Variants in HDAC9 observed in about 807,000 individuals in gnomAD.
HDAC9 encodes histone deacetylase 9.
HDAC9 carries 41 observed loss-of-function variants against 139.4 expected under a neutral mutation model. That is an observed-to-expected ratio of 0.29 (90% CI 0.23 to 0.38). The LOEUF is 0.38. HDAC9 is among the 10% of genes least tolerant of loss of function. HDAC9 has a pLI of 1.00. For synonymous variants in HDAC9, 517 were observed against 476.2 expected (o/e 1.09, Z -1.12); for missense variants, 1,147 against 1,297.0 (o/e 0.88, Z 1.78).
chr7:18,729,226 A>G (rs530585665), intron 13 of HDAC9, among the ~76,000 whole-genome samples: 74 of 152,198 alleles, frequency 4.9e-4, no homozygotes, highest in African/African-American at 1.7e-3. Flanking sequence ...CAGAAAATAC[A>G]GAGTAACAAC....
intron 22 of HDAC9, 41 bp downstream of exon 22, chr7:18,874,637 C>T (rs756736407): frequency 8.7e-7 from 1 of 1,153,432 alleles, no homozygotes; most frequent in Non-Finnish European, 1.3e-6. Flanking sequence ...GCTCTGATAT[C>T]ATACCATCTT....
intron 1 of HDAC9, among the ~76,000 whole-genome samples, chr7:18,304,419 T>C (rs996875908): frequency 5.3e-5 from 8 of 152,210 alleles, no homozygotes; most frequent in African/African-American, 1.9e-4. Flanking sequence ...GCAAAGTCTT[T>C]GGAAAATATT....
intron 2 of HDAC9, among the ~76,000 whole-genome samples, chr7:18,164,395 T>C (rs13243921): frequency 0.18 from 26,734 of 152,236 alleles, 2,726 homozygotes; most frequent in South Asian, 0.33. Context: ...GAAAAAAATA[T>C]GTTTTTCTTA....
At chr7:18,123,083 A>G (rs1211061582) in intron 1 of HDAC9, among the ~76,000 whole-genome samples, 1 of 152,252 alleles carries the variant, frequency 6.6e-6, no homozygotes, top group Non-Finnish European at 1.5e-5. Flanking sequence ...CCTAATAAAT[A>G]GCCCAATACC....
At chr7:18,771,609 G>A (rs1256033173) in intron 16 of HDAC9, among the ~76,000 whole-genome samples, 1 of 151,662 alleles carries the variant, frequency 6.6e-6, no homozygotes, top group Non-Finnish European at 1.5e-5. Context: ...ATAATCAGGA[G>A]AAAAATCTAT....
chr7:18,363,245 T>G (rs1270953735), intron 1 of HDAC9, among the ~76,000 whole-genome samples: 1 of 152,160 alleles, frequency 6.6e-6, no homozygotes, highest in Non-Finnish European at 1.5e-5. Context: ...CCCTCCTTAC[T>G]TTTTCTTAAT....
intron 13 of HDAC9, among the ~76,000 whole-genome samples, chr7:18,731,714 C>G (rs953789316): frequency 1.3e-5 from 2 of 152,174 alleles, no homozygotes; most frequent in Non-Finnish European, 2.9e-5. Flanking sequence ...CAACCTCCGC[C>G]TCCCGGGTTC....
At chr7:18,823,168 A>G (rs976636009) in intron 17 of HDAC9, among the ~76,000 whole-genome samples, 5 of 152,158 alleles carry the variant, frequency 3.3e-5, no homozygotes, top group African/African-American at 1.2e-4. Flanking sequence ...AGGATCAGGG[A>G]TGGTGGGGTA....
chr7:18,124,223 T>G (rs568182796), intron 1 of HDAC9, among the ~76,000 whole-genome samples: 3 of 152,282 alleles, frequency 2.0e-5, no homozygotes, highest in African/African-American at 7.2e-5. Flanking sequence ...TGTAGACAAA[T>G]AAGAAGGTGG....
chr7:18,513,414 T>C (rs1802166722), intron 2 of HDAC9, among the ~76,000 whole-genome samples: 1 of 152,210 alleles, frequency 6.6e-6, no homozygotes, highest in African/African-American at 2.4e-5. Context: ...TAGATAACTG[T>C]ATCCTAAAGC....
At chr7:18,912,155 A>G (rs1010158376) in intron 22 of HDAC9, among the ~76,000 whole-genome samples, 1 of 152,020 alleles carries the variant, frequency 6.6e-6, no homozygotes, top group Non-Finnish European at 1.5e-5. Flanking sequence ...TGCTTTACGT[A>G]TCTGGGTGCT....
chr7:18,349,054 A>G (rs1302275385), intron 1 of HDAC9, among the ~76,000 whole-genome samples: 2 of 152,112 alleles, frequency 1.3e-5, no homozygotes, highest in Non-Finnish European at 2.9e-5. Flanking sequence ...ACTTTAATAC[A>G]GTCATTTTCC....
intron 9 of HDAC9, among the ~76,000 whole-genome samples, chr7:18,646,445 G>A (rs779946840): frequency 2.0e-5 from 3 of 152,078 alleles, no homozygotes; most frequent in Non-Finnish European, 4.4e-5. Context: ...GTGTGGATGA[G>A]GCCATCACAA....
At chr7:18,829,824 A>G (rs1795727826) in intron 19 of HDAC9, among the ~76,000 whole-genome samples, 1 of 152,224 alleles carries the variant, frequency 6.6e-6, no homozygotes, top group Admixed American at 6.5e-5. Flanking sequence ...TTCCACAGTT[A>G]AAATAACCCA....
At chr7:18,936,601 A>G (rs1321058594) in intron 23 of HDAC9, among the ~76,000 whole-genome samples, 1 of 152,222 alleles carries the variant, frequency 6.6e-6, no homozygotes, top group Non-Finnish European at 1.5e-5. Flanking sequence ...TTTTCAACCA[A>G]TTAGTTGCAA....
chr7:18,931,427 A>T (rs574916105), intron 22 of HDAC9, among the ~76,000 whole-genome samples: 2 of 152,226 alleles, frequency 1.3e-5, no homozygotes, highest in Non-Finnish European at 2.9e-5. Context: ...GTTTTTAACT[A>T]ATTTTTAAAT....
At chr7:18,334,816 G>A (rs895970582) in intron 1 of HDAC9, among the ~76,000 whole-genome samples, 1 of 151,492 alleles carries the variant, frequency 6.6e-6, no homozygotes, top group Non-Finnish European at 1.5e-5. Flanking sequence ...ACATTGAGAA[G>A]CAAGCTATTT....
intron 12 of HDAC9, among the ~76,000 whole-genome samples, chr7:18,718,384 G>A (rs567836078): frequency 9.2e-5 from 14 of 151,816 alleles, no homozygotes; most frequent in South Asian, 6.3e-4. Context: ...GGTGCACGGT[G>A]CCACGCCTCG....
intron 15 of HDAC9, among the ~76,000 whole-genome samples, chr7:18,762,590 T>C (rs1019277477): frequency 6.6e-6 from 1 of 152,224 alleles, no homozygotes; most frequent in African/African-American, 2.4e-5. Flanking sequence ...AAACTTAAAG[T>C]AGAAATGATT....
Sources: allele counts gnomAD v4.1 joint callset (sites outside exome capture counted in the v4.1 genomes callset), GRCh38; gene constraint gnomAD v4.1.1; transcripts MANE v1.5; gene names NCBI Gene and HGNC (gene_info 2026-07-23, HGNC 2026-07-21).